The following NUP155 variants were observed in gnomAD, a reference collection of about 807,000 sequenced individuals.
NUP155 encodes nuclear pore complex protein Nup155.
NUP155 carries 71 observed loss-of-function variants against 180.4 expected under a neutral mutation model. That is an observed-to-expected ratio of 0.39 (90% confidence interval 0.33 to 0.48). NUP155 has a LOEUF of 0.48. Ranked by LOEUF, NUP155 falls within the 20% of genes least tolerant of loss-of-function variation. The pLI is 0.91. For synonymous variants in NUP155, 582 were observed against 559.5 expected (o/e 1.04, Z -0.57); for missense variants, 1,553 against 1,648.9 (o/e 0.94, Z 1.01).
At chr5:37,292,238 C>T (rs1368870250) in intron 34 of NUP155, among the ~76,000 whole-genome samples, 200 bp from the exon 35 acceptor site, 11 of 148,114 alleles carry the variant, frequency 7.4e-5, no homozygotes, top group East Asian at 2.0e-4. Context: ...TTTTTTGAGA[C>T]GGAGTCTCGC....
At chr5:37,302,695 T>A in intron 29 of NUP155, 84 bp downstream of exon 29, 1 of 1,387,570 alleles carries the variant, frequency 7.2e-7, no homozygotes, top group South Asian at 1.2e-5. Flanking sequence ...TCAGACCTAT[T>A]ACTTACCAAG....
chr5:37,361,053 G>T (rs892933027), intron 3 of NUP155, among the ~76,000 whole-genome samples: 2 of 152,030 alleles, frequency 1.3e-5, no homozygotes, highest in Non-Finnish European at 2.9e-5. Context: ...CAAATCACTG[G>T]AGGCCAGGAG....
In NUP155 at chr5:37,328,350, A is replaced by G; in HGVS notation, c.1876+8T>C. ...ATGAATCCAATCCAAAACAAAGAAA[A>G]GAGGTACCATGAGACGGTGTTCCCA... On this transcript the variant is annotated splice_region_variant and intron_variant, in intron 17 of 34. Coordinates refer to ENST00000231498, the MANE Select transcript of NUP155 (RefSeq NM_153485.3). 1 of 1,595,534 alleles carries G rather than the reference A, an allele frequency of 6.3e-7. No homozygotes were observed. The highest frequency in any genetic ancestry group is 1.1e-5 in the South Asian group (1 of 90,556).
At chr5:37,351,092 A>G in intron 6 of NUP155, 98 bp downstream of exon 6, 2 of 953,590 alleles carry the variant, frequency 2.1e-6, no homozygotes, top group South Asian at 3.0e-5. Context: ...CCATAAAAAT[A>G]TATTAATGTC....
chr5:37,307,204 A>C (rs1743209267), intron 25 of NUP155, 93 bp downstream of exon 25: 1 of 1,368,604 alleles, frequency 7.3e-7, no homozygotes, highest in South Asian at 1.3e-5. Flanking sequence ...TCTCAAAAAA[A>C]AAAAAAAAAC....
chr5:37,370,717 A>T, intron 1 of NUP155, 104 bp downstream of exon 1: 1 of 1,611,660 alleles, frequency 6.2e-7, no homozygotes, highest in African/African-American at 1.3e-5. Context: ...CAGTGCCATA[A>T]ATCTCAGCAT....
chr5:37,295,358 G>A (rs1273179029), intron 32 of NUP155, among the ~76,000 whole-genome samples: 1 of 152,134 alleles, frequency 6.6e-6, no homozygotes, highest in Non-Finnish European at 1.5e-5. Flanking sequence ...GCTCAATGGT[G>A]CCCAGGCTGG....
intron 1 of NUP155, among the ~76,000 whole-genome samples, chr5:37,369,958 T>C (rs774895867): frequency 1.3e-5 from 2 of 152,248 alleles, no homozygotes; most frequent in Non-Finnish European, 2.9e-5. Flanking sequence ...TGTCAACACA[T>C]ATTCTGCCTT....
chr5:37,317,127 C>T (rs1287633426), intron 21 of NUP155, among the ~76,000 whole-genome samples: 2 of 151,574 alleles, frequency 1.3e-5, no homozygotes, highest in Non-Finnish European at 2.9e-5. Context: ...CGAGATCATG[C>T]CACTGCACTC....
At chr5:37,333,033 G>GA (rs1295364284) in intron 13 of NUP155, among the ~76,000 whole-genome samples, 2 of 152,034 alleles carry the variant, frequency 1.3e-5, no homozygotes, top group Non-Finnish European at 2.9e-5. Context: ...GTGTGCCTGG[G>GA]AAAAATCTCA....
chr5:37,364,203 A>G (rs1169304147), intron 2 of NUP155, 44 bp downstream of exon 2: 7 of 1,443,558 alleles, frequency 4.8e-6, no homozygotes, highest in Admixed American at 1.7e-5. Context: ...AATGAAAAAT[A>G]CCAATTTTAA....
intron 20 of NUP155, 34 bp from the exon 21 acceptor site, chr5:37,318,119 A>G (rs759002026): frequency 1.8e-6 from 2 of 1,138,198 alleles, no homozygotes; most frequent in Non-Finnish European, 2.7e-6. Context: ...GTGTGTTTAT[A>G]ACAGCTTTAT....
chr5:37,332,992 A>G (rs1170442358), intron 13 of NUP155, among the ~76,000 whole-genome samples: 3 of 152,086 alleles, frequency 2.0e-5, no homozygotes, highest in East Asian at 3.9e-4. Context: ...ATATCAACTG[A>G]TAACTGATAA....
In NUP155 at chr5:37,311,663, A is replaced by T. The variant is rs1019631651; in HGVS notation, c.2437-920T>A. Among the ~76,000 whole-genome samples the T allele has an allele frequency of 2.3e-4, 33 of 143,094 alleles. No homozygotes were observed. In the East Asian group the frequency reaches 6.0e-3, roughly 26 times the overall value. 93.9% of individuals were successfully genotyped at this position (143,094 alleles called of 152,430 possible). On this transcript the variant is annotated intron_variant, in intron 22 of 34. Transcript: ENST00000231498. Reference sequence around the variant, plus strand: ...TATCCATACAGGACAAGGAAAAAGAATTTTTTTTTTTTTTTTTACAGAATT... The same window carrying T: ...TATCCATACAGGACAAGGAAAAAGATTTTTTTTTTTTTTTTTTACAGAATT...
rs923061169 is a variant in NUP155, at chr5:37,294,260, C to G, written c.3930+69G>C. The G allele has an allele frequency of 2.8e-6, 3 of 1,073,882 alleles. No individual in the cohort carries two copies. In the African/African-American group the frequency reaches 4.7e-5, roughly 17 times the overall value. 66.5% of individuals were successfully genotyped at this position (1,073,882 alleles called of 1,614,324 possible). On this transcript the variant is annotated intron_variant, in intron 33 of 34. Transcript: ENST00000231498. ...GGATACAAAAATGCAATCAAAATAC[C>G]CCACTCTATATCTACAAAGTTACTT...
intron 1 of NUP155, among the ~76,000 whole-genome samples, chr5:37,365,531 C>T (rs1385385533): frequency 6.6e-6 from 1 of 151,084 alleles, no homozygotes; most frequent in Non-Finnish European, 1.5e-5. Context: ...AATGGTGAAA[C>T]CCTGTCTCCA....
intron 22 of NUP155, among the ~76,000 whole-genome samples, chr5:37,311,403 A>T (rs1160355735): frequency 6.6e-6 from 1 of 152,166 alleles, no homozygotes; most frequent in African/African-American, 2.4e-5. Context: ...TATATTTATC[A>T]CTCTATAAAA....
chr5:37,339,356 G>A (rs187315778), intron 11 of NUP155, among the ~76,000 whole-genome samples: 8 of 150,160 alleles, frequency 5.3e-5, no homozygotes, highest in Admixed American at 1.3e-4. Flanking sequence ...TTGCCAACAC[G>A]GTGGCTCACG....
Position 37,309,237 on chromosome 5 carries a change from C to A in NUP155, c.2659G>T (p.Val887Phe). Residue 887 changes from valine (V) to phenylalanine (F), a missense_variant, in exon 24 of 35, where the codon GTT (valine) becomes TTT (phenylalanine). By Grantham distance (50) the Val-to-Phe change is conservative (BLOSUM62 -1). Coordinates refer to ENST00000231498, the MANE Select transcript of NUP155 (RefSeq NM_153485.3). ...ANELLQRSRQ[V>F]QNKTEKERML... ...CTTTCTTTTTCAGTCTTATTTTGAA[C>A]TTGTCGGGAACGCTGGAGAAGCTCA... 6.2e-7 allele frequency: 1 copy of A among 1,612,918 alleles called. No homozygotes were observed. The highest frequency in any genetic ancestry group is 8.5e-7 in the Non-Finnish European group (1 of 1,179,724).
Sources: gnomAD v4.1 joint callset for allele counts (sites outside exome capture counted in the v4.1 genomes callset) on GRCh38, gnomAD v4.1.1 for gene constraint, MANE v1.5 for transcripts, NCBI Gene and HGNC (gene_info 2026-07-23, HGNC 2026-07-21) for gene names.